The following IFT74 variants were observed in gnomAD, a reference collection of about 807,000 sequenced individuals.
IFT74 encodes intraflagellar transport protein 74 homolog.
IFT74 carries 92 observed loss-of-function variants against 96.7 expected under a neutral mutation model. That is an observed-to-expected ratio of 0.95 (90% confidence interval 0.80 to 1.13). IFT74 has a LOEUF of 1.13. IFT74 is among the 50% of genes most tolerant of loss of function. The probability of loss-of-function intolerance (pLI) is 0.00; values close to 1 mark genes in which losing one functional copy is unlikely to be tolerated. For missense variants in IFT74, 811 were observed against 698.2 expected (o/e 1.16, Z -1.82); for synonymous variants, 223 against 213.2 (o/e 1.05, Z -0.40).
At chr9:27,029,247 A>G in intron 13 of IFT74, 143 bp downstream of exon 13, 5 of 523,010 alleles carry the variant, frequency 9.6e-6, no homozygotes, top group Non-Finnish European at 9.8e-6. Flanking sequence ...ACTAAAATAT[A>G]TACTGTATGA....
intron 18 of IFT74, among the ~76,000 whole-genome samples, chr9:27,058,304 G>A (rs532510268): frequency 6.6e-6 from 1 of 152,234 alleles, no homozygotes; most frequent in South Asian, 2.1e-4. Context: ...GCCCTGGCTA[G>A]TCTTGAACTC....
chr9:27,036,390 T>C, intron 13 of IFT74: 2 of 1,589,226 alleles, frequency 1.3e-6, no homozygotes, highest in Non-Finnish European at 1.7e-6. Context: ...TGTACTCTTT[T>C]TACCACAGCA....
At chr9:26,988,979 A>T (rs930169462) in intron 7 of IFT74, among the ~76,000 whole-genome samples, 2 of 152,108 alleles carry the variant, frequency 1.3e-5, no homozygotes, top group Non-Finnish European at 1.5e-5. Context: ...CACGTGCAAC[A>T]TTAGTTAGGG....
chr9:27,027,999 G>T (rs1029437917), intron 12 of IFT74, among the ~76,000 whole-genome samples: 2 of 152,112 alleles, frequency 1.3e-5, no homozygotes, highest in African/African-American at 2.4e-5. Flanking sequence ...TGTGAGGTAG[G>T]AGTCCCTTAG....
chr9:26,960,688 T>C (rs1826315519), intron 1 of IFT74, among the ~76,000 whole-genome samples: 1 of 152,046 alleles, frequency 6.6e-6, no homozygotes, highest in South Asian at 2.1e-4. Flanking sequence ...AAGGAAATGG[T>C]TTAAAGGCAG....
intron 2 of IFT74, among the ~76,000 whole-genome samples, chr9:26,975,954 A>G (rs1228332759): frequency 2.6e-5 from 4 of 152,136 alleles, no homozygotes; most frequent in African/African-American, 4.8e-5. Context: ...GACCCACTCA[A>G]TCCACACAGC....
At chr9:26,952,147 C>T (rs1403643053), upstream of IFT74, among the ~76,000 whole-genome samples, 1 of 152,022 alleles carries the variant, frequency 6.6e-6, no homozygotes, top group African/African-American at 2.4e-5. Context: ...TTTAAGGACA[C>T]TTTTTCCTTT....
Position 27,029,096 on chromosome 9 carries a change from A to G in IFT74, c.1046A>G (p.Glu349Gly). ...AGACAACTTGACATGGATTTAGAGG[A>G]ACACCAAGGTATGCTTCTGGTATTT... is the stretch of plus-strand genomic sequence containing the variant. Reference protein sequence around the residue: ...EIRQLDMDLEEHQGEMNQKYK... With the variant: ...EIRQLDMDLEGHQGEMNQKYK... Residue 349 changes from glutamate (E) to glycine (G), a missense_variant, in exon 13 of 20, where the codon GAA becomes GGA. Physicochemically the swap from Glu to Gly is moderately conservative, Grantham distance 98. Transcript: ENST00000380062. 1 of 1,599,780 alleles carries G rather than the reference A, an allele frequency of 6.3e-7. No individual in the cohort carries two copies. The highest frequency in any genetic ancestry group is 8.5e-7 in the Non-Finnish European group (1 of 1,172,386).
intron 2 of IFT74, among the ~76,000 whole-genome samples, chr9:26,972,793 A>T (rs1344188831): frequency 6.6e-6 from 1 of 152,150 alleles, no homozygotes; most frequent in Non-Finnish European, 1.5e-5. Flanking sequence ...TGCACTTATT[A>T]GGTGGCTTAA....
At chr9:27,026,869 G>A (rs1829885540) in intron 12 of IFT74, among the ~76,000 whole-genome samples, 1 of 152,088 alleles carries the variant, frequency 6.6e-6, no homozygotes, top group Non-Finnish European at 1.5e-5. Context: ...ACATCAAAAA[G>A]TCTGAAAGAA....
intron 2 of IFT74, among the ~76,000 whole-genome samples, chr9:26,964,104 G>C (rs373535420): frequency 7.3e-6 from 1 of 137,368 alleles, no homozygotes; most frequent in Non-Finnish European, 1.6e-5. Flanking sequence ...TAGGTCTAAC[G>C]TTTAAGTCTT....
chr9:26,984,927 C>T (rs146385170), intron 6 of IFT74, among the ~76,000 whole-genome samples: 3 of 152,244 alleles, frequency 2.0e-5, no homozygotes, highest in East Asian at 1.9e-4. Flanking sequence ...AACAGAACTA[C>T]CATTCAGCCC....
At chr9:27,027,537 T>C (rs1829922815) in intron 12 of IFT74, among the ~76,000 whole-genome samples, 1 of 152,178 alleles carries the variant, frequency 6.6e-6, no homozygotes, top group Admixed American at 6.5e-5. Context: ...TGTCTCACTA[T>C]GGTTTTGATT....
At chr9:27,061,157 G>A (rs1477922439) in intron 19 of IFT74, among the ~76,000 whole-genome samples, 1 of 152,038 alleles carries the variant, frequency 6.6e-6, no homozygotes, top group South Asian at 2.1e-4. Flanking sequence ...GTGTGTGTGT[G>A]TGTGTGTGTG....
chr9:26,968,658 A>G (rs958540873), intron 2 of IFT74, among the ~76,000 whole-genome samples: 5 of 152,142 alleles, frequency 3.3e-5, no homozygotes, highest in Admixed American at 2.6e-4. Context: ...GTATGTGTTT[A>G]GTCATTTGTT....
rs548416102 is a variant in IFT74 at position 27,002,713 on chromosome 9, C to T, written c.588-6307C>T. On this transcript the variant is annotated intron_variant, in intron 8 of 19. Coordinates refer to ENST00000380062, the MANE Select transcript of IFT74 (RefSeq NM_025103.4). ...ATAGCTTTGTAGAAAATTTTGAAGT[C>T]AGGTAGTGTGATGCCTCCAGCTTTG... Among the ~76,000 whole-genome samples, 21 of 152,218 alleles carry T rather than the reference C, an allele frequency of 1.4e-4. No individual in the cohort carries two copies. The South Asian group carries it at 4.1e-3, about 30-fold the overall frequency.
At chr9:26,975,015 G>C (rs1827048066) in intron 2 of IFT74, among the ~76,000 whole-genome samples, 1 of 152,116 alleles carries the variant, frequency 6.6e-6, no homozygotes, top group African/African-American at 2.4e-5. Flanking sequence ...GTCCTTTCAG[G>C]GAGGGGTACT....
At chr9:26,961,925 G>T in intron 1 of IFT74, 24 bp from the exon 2 acceptor site, 1 of 1,612,300 alleles carries the variant, frequency 6.2e-7, no homozygotes, top group Non-Finnish European at 8.5e-7. Context: ...TCAAAGGATT[G>T]AACTATTTAT....
In IFT74 at chr9:27,056,406, A is replaced by T. The variant is rs1820159448; in HGVS notation, c.1570A>T (p.Ile524Leu). Reference protein sequence around the residue: ...AFKKIMEKQNIEYEALKTQLQ... With the variant: ...AFKKIMEKQNLEYEALKTQLQ... Reference sequence around the variant, plus strand: ...TAAGAAAATAATGGAGAAGCAAAACATAGAGTATGAGGCACTAAAAACACA... The same window carrying T: ...TAAGAAAATAATGGAGAAGCAAAACTTAGAGTATGAGGCACTAAAAACACA... Residue 524 changes from isoleucine (I) to leucine (L), a missense_variant, in exon 18 of 20, where the codon ATA (isoleucine) becomes TTA (leucine). By Grantham distance (5) the Ile-to-Leu change is conservative. Coordinates refer to ENST00000380062, the MANE Select transcript of IFT74 (RefSeq NM_025103.4). 1.9e-6 allele frequency: 3 copies of T among 1,603,724 alleles called. No homozygotes were observed. The highest frequency in any genetic ancestry group is 2.6e-6 in the Non-Finnish European group (3 of 1,174,662).
Sources: allele counts gnomAD v4.1 joint callset (sites outside exome capture counted in the v4.1 genomes callset), GRCh38; gene constraint gnomAD v4.1.1; transcripts MANE v1.5; gene names NCBI Gene and HGNC (gene_info 2026-07-23, HGNC 2026-07-21).